The following CSMD1 variants were observed in gnomAD, a reference collection of about 807,000 sequenced individuals.
CSMD1 encodes the protein CUB and sushi domain-containing protein 1.
CSMD1 carries 213 observed loss-of-function variants against 417.5 expected under a neutral mutation model. The observed-to-expected ratio is 0.51, with a 90% CI of 0.46 to 0.57. CSMD1 has a LOEUF of 0.57. CSMD1 is among the 20% of genes least tolerant of loss of function. CSMD1 has a pLI of 0.00. For missense variants in CSMD1, 6,923 were observed against 4,529.7 expected (o/e 1.53, Z -15.17); for synonymous variants, 2,862 against 1,736.8 (o/e 1.65, Z -16.11).
At chr8:3,514,508 T>G (rs2117415479) in intron 10 of CSMD1, among the ~76,000 whole-genome samples, 1 of 152,330 alleles carries the variant, frequency 6.6e-6, no homozygotes, top group Admixed American at 6.5e-5. Flanking sequence ...AAAAATGGCT[T>G]TAATGACAAT....
intron 18 of CSMD1, among the ~76,000 whole-genome samples, chr8:3,371,386 G>A (rs13278552): frequency 0.084 from 12,763 of 151,918 alleles, 579 homozygotes; most frequent in Middle Eastern, 0.13. Context: ...AATGAAATAA[G>A]TGAATACATG....
At chr8:3,439,477 G>A (rs972428049) in intron 12 of CSMD1, among the ~76,000 whole-genome samples, 1 of 131,670 alleles carries the variant, frequency 7.6e-6, no homozygotes. Flanking sequence ...CTAACTCTGT[G>A]ACTCTGTGTG....
chr8:4,108,103 AAGAC>A (rs1801664442), intron 3 of CSMD1, among the ~76,000 whole-genome samples: 1 of 151,866 alleles, frequency 6.6e-6, no homozygotes, highest in South Asian at 2.1e-4. Context: ...GAACAAGAAA[AAGAC>A]GGAGGAGGAG....
chr8:3,308,100 C>CTA lies in CSMD1; in HGVS notation c.3823+210_3823+211dup, dbSNP rs1805028025. Reference sequence around the variant, plus strand: ...GATAATTCTAATAATAACACTGTACCTATAGTCTCCATAACAGAATACTAG... The same window carrying CTA: ...GATAATTCTAATAATAACACTGTACCTATATAGTCTCCATAACAGAATACTAG... On this transcript the variant is annotated intron_variant, in intron 24 of 69. Transcript: ENST00000635120. Among the ~76,000 whole-genome samples the CTA allele has an allele frequency of 2.0e-5, 3 of 151,806 alleles. No individual in the cohort carries two copies. The South Asian group carries it at 6.2e-4, about 32-fold the overall frequency.
intron 1 of CSMD1, among the ~76,000 whole-genome samples, chr8:4,947,069 G>A (rs1356327125): frequency 6.6e-6 from 1 of 152,090 alleles, no homozygotes; most frequent in Non-Finnish European, 1.5e-5. Flanking sequence ...TACAGAATTT[G>A]TAATAGGATA....
intron 2 of CSMD1, among the ~76,000 whole-genome samples, chr8:4,438,004 C>G (rs937259276): frequency 6.6e-6 from 1 of 152,092 alleles, no homozygotes; most frequent in Non-Finnish European, 1.5e-5. Context: ...GTGGTCTGAT[C>G]TGCATTTAAA....
intron 26 of CSMD1, among the ~76,000 whole-genome samples, chr8:3,231,025 C>T (rs1798804565): frequency 6.6e-6 from 1 of 152,076 alleles, no homozygotes; most frequent in South Asian, 2.1e-4. Flanking sequence ...CCTAAAATCA[C>T]CTCCCATATG....
In CSMD1 at chr8:3,179,435, G is replaced by C. The variant is rs573123993; in HGVS notation, c.5725+1675C>G. On this transcript the variant is annotated intron_variant, in intron 37 of 69. Transcript: ENST00000635120. ...AAATACATTAAATAATTAAACAAAAGCTTGGATTCTCAAAGTTCATCTGAA... is the reference window on the plus strand; with the variant it reads ...AAATACATTAAATAATTAAACAAAACCTTGGATTCTCAAAGTTCATCTGAA... Among the ~76,000 whole-genome samples, 28 of 152,088 alleles carry C rather than the reference G, an allele frequency of 1.8e-4. No homozygotes were observed. In the South Asian group the frequency reaches 2.5e-3, roughly 13 times the overall value.
chr8:4,744,105 C>A (rs553700598), intron 1 of CSMD1, among the ~76,000 whole-genome samples: 86 of 152,296 alleles, frequency 5.6e-4, no homozygotes, highest in Non-Finnish European at 8.5e-4. Context: ...GGAGCTAATA[C>A]AAAAGCTAAT....
chr8:3,923,356 C>G (rs1018855689), intron 5 of CSMD1, among the ~76,000 whole-genome samples: 2 of 151,960 alleles, frequency 1.3e-5, no homozygotes, highest in Non-Finnish European at 1.5e-5. Context: ...ATATTTTTTT[C>G]GCTTGTCCCC....
At chr8:3,333,943 C>T (rs1013334390) in intron 23 of CSMD1, among the ~76,000 whole-genome samples, 2 of 152,134 alleles carry the variant, frequency 1.3e-5, no homozygotes, top group Admixed American at 1.3e-4. Context: ...AGAAAATGTG[C>T]ATTTGAGGAC....
chr8:4,109,602 G>A (rs1324371866), intron 3 of CSMD1, among the ~76,000 whole-genome samples: 1 of 152,040 alleles, frequency 6.6e-6, no homozygotes, highest in African/African-American at 2.4e-5. Context: ...ATTTGCCTTT[G>A]GATATTGTTG....
At chr8:3,922,674 C>T (rs151040021) in intron 5 of CSMD1, among the ~76,000 whole-genome samples, 1,919 of 152,170 alleles carry the variant, frequency 0.013, 54 homozygotes, top group African/African-American at 0.044. Flanking sequence ...TTGTGCTTTT[C>T]ATCCAAATCT....
In CSMD1 at chr8:4,131,401, G is replaced by C. The variant is rs117112263; in HGVS notation, c.416-99302C>G. ...TAATCACATCCCTTAAGCCTTCCTT[G>C]AGCTATTTGTACCACCTCTCTCTCA... On this transcript the variant is annotated intron_variant, in intron 3 of 69. Transcript: ENST00000635120. Among the ~76,000 whole-genome samples the C allele has an allele frequency of 7.7e-3, 1,169 of 152,112 alleles. 6 individuals are homozygous for C. The highest frequency in any genetic ancestry group is 0.012 in the Non-Finnish European group (821 of 68,006).
intron 3 of CSMD1, among the ~76,000 whole-genome samples, chr8:4,323,968 C>T (rs543615116): frequency 4.6e-5 from 7 of 152,162 alleles, no homozygotes; most frequent in Non-Finnish European, 1.0e-4. Context: ...GTCAGTGCAG[C>T]CTGCTGCCTC....
intron 50 of CSMD1, among the ~76,000 whole-genome samples, chr8:3,036,704 C>T (rs961466690): frequency 7.2e-5 from 11 of 152,082 alleles, no homozygotes; most frequent in Non-Finnish European, 7.4e-5. Context: ...TTGGGGAAAA[C>T]TAGGATACTA....
intron 5 of CSMD1, among the ~76,000 whole-genome samples, chr8:3,933,738 G>C (rs1364541082): frequency 1.3e-5 from 2 of 152,156 alleles, no homozygotes; most frequent in Non-Finnish European, 2.9e-5. Flanking sequence ...TCCTAAAGGA[G>C]AAATGAGGTG....
intron 26 of CSMD1, among the ~76,000 whole-genome samples, chr8:3,266,808 C>A (rs1405564998): frequency 1.3e-5 from 2 of 150,388 alleles, no homozygotes; most frequent in East Asian, 3.9e-4. Flanking sequence ...AAGGACCACC[C>A]TCAGATGAAT....
chr8:3,083,613 TA>T (rs1814271328), intron 49 of CSMD1, among the ~76,000 whole-genome samples: 1 of 12,294 alleles, frequency 8.1e-5, no homozygotes, highest in Non-Finnish European at 1.4e-4. Flanking sequence ...ATAATTTTTA[TA>T]TATATATATA....
Sources: allele counts gnomAD v4.1 joint callset (sites outside exome capture counted in the v4.1 genomes callset), GRCh38; gene constraint gnomAD v4.1.1; transcripts MANE v1.5; gene names NCBI Gene and HGNC (gene_info 2026-07-23, HGNC 2026-07-21).